The following SCN8A variants were observed in gnomAD, a reference collection of about 807,000 sequenced individuals.
SCN8A encodes sodium voltage-gated channel alpha subunit 8.
In SCN8A, 30 loss-of-function variants were observed where a neutral mutation model predicts 184.1. That is an observed-to-expected ratio of 0.16 (90% confidence interval 0.12 to 0.22). The LOEUF (loss-of-function observed/expected upper bound fraction) is 0.22, where lower values mean the gene tolerates loss of function less well. Ranked by LOEUF, SCN8A falls within the 10% of genes least tolerant of loss-of-function variation. The pLI is 1.00. For synonymous variants in SCN8A, 852 were observed against 907.0 expected (o/e 0.94, Z 1.09); for missense variants, 1,057 against 2,498.9 (o/e 0.42, Z 12.30).
At chr12:51,700,000 C>T (rs1941657959) in intron 7 of SCN8A, among the ~76,000 whole-genome samples, 1 of 152,006 alleles carries the variant, frequency 6.6e-6, no homozygotes, top group African/African-American at 2.4e-5. Flanking sequence ...AACCCTCTCT[C>T]TACTAAAAAT....
chr12:51,767,344 CT>C (rs764654739), intron 16 of SCN8A, among the ~76,000 whole-genome samples: 2 of 152,220 alleles, frequency 1.3e-5, no homozygotes, highest in Non-Finnish European at 2.9e-5. Context: ...CCACTACCCC[CT>C]GATGACACTT....
intron 1 of SCN8A, among the ~76,000 whole-genome samples, chr12:51,626,035 G>T (rs910835244): frequency 2.6e-5 from 4 of 152,162 alleles, no homozygotes; most frequent in South Asian, 4.1e-4. Context: ...ACACAGGGCC[G>T]CAGAGGGAAG....
rs962974818 is a variant in SCN8A at position 51,695,922 on chromosome 12, G to A, written c.707-3648G>A. On this transcript the variant is annotated intron_variant, in intron 6 of 26. Transcript: ENST00000627620. ...CTGAGAGCTCATTCTTAAGGAACAG[G>A]GGATAGTTGGAGCTCATGGCCTAGA... Among the ~76,000 whole-genome samples, 4 of 152,156 alleles carry A rather than the reference G, an allele frequency of 2.6e-5. No homozygotes were observed. The East Asian group carries it at 7.7e-4, about 29-fold the overall frequency.
Position 51,807,364 on chromosome 12 carries a change from C to T in SCN8A, c.5878C>T (p.Arg1960Trp), listed in dbSNP as rs1021136260. 6 of 1,613,344 alleles carry T rather than the reference C, an allele frequency of 3.7e-6. No homozygotes were observed. The highest frequency in any genetic ancestry group is 3.4e-6 in the Non-Finnish European group (4 of 1,179,718). Residue 1960 changes from arginine (R) to tryptophan (W), a missense_variant, in exon 27 of 27, where the codon CGG becomes TGG. Transcript: ENST00000627620. The surrounding 1 kb of genome is among the most constrained non-coding windows in gnomAD (Gnocchi z 4.5). ...TAAACCTGAAAAGGAGAAACAGCAG[C>T]GGGCAGAGGAAGGAAGAAGGGAAAG... ...VTKPEKEKQQ[R>W]AEEGRRERAK...
chr12:51,778,464 T>G (rs925779763), intron 20 of SCN8A, among the ~76,000 whole-genome samples: 3 of 152,090 alleles, frequency 2.0e-5, no homozygotes, highest in South Asian at 4.2e-4. Flanking sequence ...TATTTTTGTA[T>G]TTTTAGTAGA....
rs745414775 is a variant in SCN8A, at chr12:51,770,518, G to T, written c.3491-11G>T. 1.9e-6 allele frequency: 3 copies of T among 1,583,252 alleles called. No individual in the cohort carries two copies. Among genetic ancestry groups the T allele is most frequent in the Admixed American group, 1.8e-5 (1 of 55,500 alleles). Reference sequence around the variant, plus strand: ...TTCCACGGTCTGACCCGCCTCTCCCGCTGGTGCCAGGTTGTGTCCAGCGGT... The same window carrying T: ...TTCCACGGTCTGACCCGCCTCTCCCTCTGGTGCCAGGTTGTGTCCAGCGGT... On this transcript the variant is annotated splice_polypyrimidine_tract_variant and intron_variant, in intron 18 of 26. Coordinates refer to ENST00000627620, the MANE Select transcript of SCN8A (RefSeq NM_001330260.2).
intron 2 of SCN8A, among the ~76,000 whole-genome samples, chr12:51,679,442 T>A (rs1941287017): frequency 6.6e-6 from 1 of 152,188 alleles, no homozygotes; most frequent in Admixed American, 6.5e-5. Context: ...GAAATTTAAA[T>A]TTCTGTGTCC....
At chr12:51,741,769 GGT>G (rs1221623930) in intron 12 of SCN8A, among the ~76,000 whole-genome samples, 4 of 152,056 alleles carry the variant, frequency 2.6e-5, no homozygotes, top group Non-Finnish European at 4.4e-5. Context: ...GGAACACAAT[GGT>G]GTGATCTCGG....
Position 51,751,362 on chromosome 12 carries a change from A to G in SCN8A, c.2139A>G (p.Glu713=). 6.2e-7 allele frequency: 1 copy of G among 1,611,790 alleles called. No homozygotes were observed. The highest frequency in any genetic ancestry group is 1.1e-5 in the South Asian group (1 of 90,884). ...TGTTCTTACTTACTGTAGAACTGGA[A>G]GAGTCTCAGAGAAAGTGCCCGCCAT... The part of the protein sequence containing the change: ...VVTNTLVEEL[E]ESQRKCPPCW... The change falls in exon 14 of 27, where the codon GAA becomes GAG. Residue 713 remains glutamate (E), a synonymous_variant. Coordinates refer to ENST00000627620, the MANE Select transcript of SCN8A (RefSeq NM_001330260.2).
intron 5 of SCN8A, among the ~76,000 whole-genome samples, chr12:51,687,893 G>A (rs577739917): frequency 3.9e-4 from 60 of 152,188 alleles, no homozygotes; most frequent in Non-Finnish European, 5.6e-4. Context: ...TTGGGAAAGC[G>A]TTTTGTGGTT....
At chr12:51,630,483 A>G (rs1940175129) in intron 1 of SCN8A, among the ~76,000 whole-genome samples, 1 of 152,164 alleles carries the variant, frequency 6.6e-6, no homozygotes, top group Non-Finnish European at 1.5e-5. Flanking sequence ...CGTTGTGTGC[A>G]TATACCACAT....
rs183371660 is a variant in SCN8A, at chr12:51,616,383, C to T, written c.-55+25024C>T. 2.1e-3 allele frequency among the ~76,000 whole-genome samples: 325 copies of T among 152,076 alleles called. 1 individual carries two copies. Among genetic ancestry groups the T allele is most frequent in the East Asian group, 0.019 (97 of 5,156 alleles). ...GGTGCAGTGGCTCACACCTGGCTCACGGATCACTTGAGGTCAGGAGTTCGA... is the reference window on the plus strand; with the variant it reads ...GGTGCAGTGGCTCACACCTGGCTCATGGATCACTTGAGGTCAGGAGTTCGA... On this transcript the variant is annotated intron_variant, in intron 1 of 26. Coordinates refer to ENST00000627620, the MANE Select transcript of SCN8A (RefSeq NM_001330260.2).
intron 11 of SCN8A, among the ~76,000 whole-genome samples, chr12:51,720,013 T>C (rs1411863043): frequency 2.0e-5 from 3 of 148,800 alleles, no homozygotes; most frequent in South Asian, 2.1e-4. Context: ...CAGGCGGAGC[T>C]TGCAGTGAGC....
At chr12:51,764,312 C>T (rs1942804896) in intron 15 of SCN8A, among the ~76,000 whole-genome samples, 1 of 152,140 alleles carries the variant, frequency 6.6e-6, no homozygotes, top group Non-Finnish European at 1.5e-5. Flanking sequence ...ATTTTATTGG[C>T]CACACTGCCA....
intron 1 of SCN8A, among the ~76,000 whole-genome samples, chr12:51,655,003 G>A (rs532041141): frequency 2.5e-4 from 38 of 152,204 alleles, no homozygotes; most frequent in South Asian, 8.3e-4. Context: ...AGGTTCAAGC[G>A]ATTCTGGTGC....
intron 26 of SCN8A, among the ~76,000 whole-genome samples, 196 bp downstream of exon 26, chr12:51,794,837 T>C (rs571552865): frequency 6.6e-6 from 1 of 151,326 alleles, no homozygotes; most frequent in Admixed American, 6.6e-5. Context: ...TTCTACTGAG[T>C]GTTCTCGGTA....
chr12:51,594,504 T>C (rs1939301325), intron 1 of SCN8A, among the ~76,000 whole-genome samples: 1 of 152,222 alleles, frequency 6.6e-6, no homozygotes, highest in Non-Finnish European at 1.5e-5. Context: ...TGTGCTGGTA[T>C]TATGTAACAA....
chr12:51,701,777 T>A (rs1941694125), intron 8 of SCN8A, among the ~76,000 whole-genome samples: 1 of 152,156 alleles, frequency 6.6e-6, no homozygotes, highest in South Asian at 2.1e-4. Context: ...ATGAAAATGC[T>A]TTGTAAACAG....
At chr12:51,770,816 T>C in intron 19 of SCN8A, 133 bp downstream of exon 19, 1 of 892,268 alleles carries the variant, frequency 1.1e-6, no homozygotes, top group South Asian at 1.7e-5. Context: ...AATGATCTGT[T>C]AAAGTGCTTT....
Sources: gnomAD v4.1 joint callset for allele counts (sites outside exome capture counted in the v4.1 genomes callset) on GRCh38, gnomAD v4.1.1 for gene constraint, Gnocchi (gnomAD v3.1) non-coding constraint, MANE v1.5 for transcripts, NCBI Gene and HGNC (gene_info 2026-07-23, HGNC 2026-07-21) for gene names.